TENM3: variants seen among roughly 807,000 people sequenced by gnomAD.
The protein encoded by TENM3 is teneurin-3.
TENM3 carries 63 observed loss-of-function variants against 255.1 expected under a neutral mutation model. The observed-to-expected ratio is 0.25, with a 90% CI of 0.20 to 0.30. The LOEUF (loss-of-function observed/expected upper bound fraction) is 0.30, where lower values mean the gene tolerates loss of function less well. TENM3 is among the 10% of genes least tolerant of loss of function. The pLI, the probability that TENM3 is intolerant of heterozygous loss-of-function variation, is 1.00. For synonymous variants in TENM3, 1,306 were observed against 1,322.3 expected, an observed-to-expected ratio of 0.99 and a Z score of 0.27; for missense variants, 2,929 against 3,461.1, an observed-to-expected ratio of 0.85 and a Z score of 3.86.
intron 1 of TENM3, among the ~76,000 whole-genome samples, chr4:182,318,151 A>C (rs922356677): frequency 2.0e-5 from 3 of 152,324 alleles, no homozygotes; most frequent in Non-Finnish European, 4.4e-5. Context: ...AAGGCTTTGT[A>C]ATTTGTACAG....
the TENM3 span, among the ~76,000 whole-genome samples, chr4:181,613,697 G>C: frequency 2.6e-5 from 4 of 152,156 alleles, no homozygotes; most frequent in African/African-American, 7.2e-5. Flanking sequence ...AACGTAAAAA[G>C]CTTAGAATCA....
At position 182,680,440 on chromosome 4, in the gene TENM3, G is replaced by C. The variant is rs79243933; in HGVS notation, c.1639+91G>C. 151,351 of 1,416,452 alleles carry C rather than the reference G, an allele frequency of 0.11. 9,285 individuals carry two copies. The highest frequency in any genetic ancestry group is 0.14 in the South Asian group (12,192 of 86,360). 87.7% of individuals were successfully genotyped at this position (1,416,452 alleles called of 1,614,324 possible). A position where few individuals can be genotyped will look rare whatever the true frequency, so the allele number is the denominator to read the frequency against. On this transcript the variant is annotated intron_variant, in intron 9 of 27. Coordinates refer to ENST00000511685, the MANE Select transcript of TENM3 (RefSeq NM_001080477.4). ...AAACTACCGAGACAGGAAAGAAAGG[G>C]GGGGGGAGACTGGCATATTGCTTGT...
At chr4:182,011,569 C>A in the TENM3 span, among the ~76,000 whole-genome samples, 1 of 152,182 alleles carries the variant, frequency 6.6e-6, no homozygotes, top group Admixed American at 6.5e-5. Context: ...AGAAAAAAGG[C>A]CAAGATTCTT....
chr4:182,335,306 G>GGC (rs79445172), intron 2 of TENM3, among the ~76,000 whole-genome samples: 30,628 of 84,298 alleles, frequency 0.36, 6,386 homozygotes, highest in Non-Finnish European at 0.41. Flanking sequence ...AGACCATCCT[G>GGC]TGAATGGTGA....
At chr4:181,937,057 CCA>C in the TENM3 span, among the ~76,000 whole-genome samples, 1 of 152,154 alleles carries the variant, frequency 6.6e-6, no homozygotes, top group East Asian at 1.9e-4. Flanking sequence ...TGAAGAGATG[CCA>C]CCTAACCTGT....
At chr4:182,729,578 G>A (rs1207797247) in intron 14 of TENM3, among the ~76,000 whole-genome samples, 1 of 152,116 alleles carries the variant, frequency 6.6e-6, no homozygotes, top group Non-Finnish European at 1.5e-5. Flanking sequence ...ACTGCTGACG[G>A]CATGGCAGTA....
chr4:182,629,507 T>C (rs1351700416), intron 5 of TENM3, among the ~76,000 whole-genome samples: 1 of 151,228 alleles, frequency 6.6e-6, no homozygotes, highest in African/African-American at 2.4e-5. Context: ...GTTGTAAATA[T>C]TGCTTTTATT....
the TENM3 span, among the ~76,000 whole-genome samples, chr4:181,873,430 A>C: frequency 1.3e-5 from 2 of 151,942 alleles, no homozygotes; most frequent in African/African-American, 4.8e-5. Context: ...GCATTCCATA[A>C]ATTTTTATTC....
chr4:181,647,481 A>C, the TENM3 span, among the ~76,000 whole-genome samples: 1 of 152,224 alleles, frequency 6.6e-6, no homozygotes, highest in East Asian at 1.9e-4. Flanking sequence ...AAAAGGGTGC[A>C]ATATGTGTGA....
At chr4:182,588,651 A>G (rs1746290393) in intron 3 of TENM3, among the ~76,000 whole-genome samples, 1 of 152,190 alleles carries the variant, frequency 6.6e-6, no homozygotes, top group South Asian at 2.1e-4. Flanking sequence ...AAATGGGTAG[A>G]AGAATATCCT....
At chr4:182,219,606 AGTGAG>A (rs1266496509) in intron 1 of TENM3, among the ~76,000 whole-genome samples, 1 of 152,148 alleles carries the variant, frequency 6.6e-6, no homozygotes, top group Non-Finnish European at 1.5e-5. Context: ...CTGAGGCTGC[AGTGAG>A]TCATCATCGC....
At position 182,336,012 on chromosome 4, in the gene TENM3, T is replaced by C. The variant is rs187281118; in HGVS notation, c.233-10639T>C. On this transcript the variant is annotated intron_variant, in intron 2 of 27. Transcript: ENST00000511685. Reference sequence around the variant, plus strand: ...ACAGCCCCTATCCTGGCATCCTTCATTGAGCATTCATATATCCAGGGAATA... The same window carrying C: ...ACAGCCCCTATCCTGGCATCCTTCACTGAGCATTCATATATCCAGGGAATA... Among the ~76,000 whole-genome samples the C allele has an allele frequency of 6.5e-4, 99 of 152,290 alleles. 4 individuals are homozygous for C. The East Asian group carries it at 0.016, about 25-fold the overall frequency.
At chr4:182,155,788 CATT>C (rs1750664092) in intron 1 of TENM3, among the ~76,000 whole-genome samples, 1 of 152,046 alleles carries the variant, frequency 6.6e-6, no homozygotes, top group African/African-American at 2.4e-5. Flanking sequence ...TATCTTAAAT[CATT>C]GTCTGATCGA....
Position 182,149,800 on chromosome 4 carries a change from C to T in TENM3, c.-76+5046C>T, listed in dbSNP as rs114019719. On this transcript the variant is annotated intron_variant, in intron 1 of 2. Transcript: ENST00000512480. ...TATTCTTTTTTGTAAGTTTAGGAGTCAATCATTACTTATGGAGATGTGGCA... is the reference window on the plus strand; with the variant it reads ...TATTCTTTTTTGTAAGTTTAGGAGTTAATCATTACTTATGGAGATGTGGCA... Among the ~76,000 whole-genome samples, 529 of 152,076 alleles carry T rather than the reference C, an allele frequency of 3.5e-3. 1 individual carries two copies. The highest frequency in any genetic ancestry group is 0.011 in the African/African-American group (467 of 41,526).
chr4:182,024,293 C>T, the TENM3 span, among the ~76,000 whole-genome samples: 5 of 152,106 alleles, frequency 3.3e-5, no homozygotes, highest in African/African-American at 4.8e-5. Context: ...TAAATACACC[C>T]ATCCAGCAAA....
intron 1 of TENM3, among the ~76,000 whole-genome samples, chr4:182,262,725 T>C (rs548847658): frequency 0.16 from 23,811 of 147,480 alleles, 2,529 homozygotes; most frequent in Non-Finnish European, 0.24. Context: ...ACTTTCTTTT[T>C]TTTTTTTTTT....
At chr4:182,043,352 C>A in the TENM3 span, among the ~76,000 whole-genome samples, 1 of 152,132 alleles carries the variant, frequency 6.6e-6, no homozygotes, top group Non-Finnish European at 1.5e-5. Context: ...TAATAATTTA[C>A]CATTGTGTAT....
intron 3 of TENM3, among the ~76,000 whole-genome samples, chr4:182,351,051 C>A (rs1580252909): frequency 6.6e-6 from 1 of 152,072 alleles, no homozygotes; most frequent in African/African-American, 2.4e-5. Context: ...TATAATCTGA[C>A]CTCAGTTCCA....
chr4:182,507,652 A>G (rs2151695835), intron 3 of TENM3, among the ~76,000 whole-genome samples: 1 of 152,308 alleles, frequency 6.6e-6, no homozygotes, highest in South Asian at 2.1e-4. Flanking sequence ...TTGAAAGCAG[A>G]GGTTTATAAA....
Sources: allele counts gnomAD v4.1 joint callset (sites outside exome capture counted in the v4.1 genomes callset), GRCh38; gene constraint gnomAD v4.1.1; transcripts MANE v1.5; gene names NCBI Gene and HGNC (gene_info 2026-07-23, HGNC 2026-07-21).